The following ARHGEF10 variants were observed in gnomAD, a reference collection of about 807,000 sequenced individuals.
ARHGEF10 encodes Rho guanine nucleotide exchange factor (GEF) 10.
ARHGEF10 carries 140 observed loss-of-function variants against 147.4 expected under a neutral mutation model. The ratio of observed to expected loss-of-function variants is 0.95; its 90% CI spans 0.83 to 1.09. The LOEUF (loss-of-function observed/expected upper bound fraction) is 1.09, where lower values mean the gene tolerates loss of function less well. Ranked by LOEUF, ARHGEF10 falls within the 50% of genes least tolerant of loss-of-function variation. ARHGEF10 has a pLI of 0.00. For missense variants in ARHGEF10, 2,222 were observed against 1,752.7 expected (o/e 1.27, Z -4.78); for synonymous variants, 902 against 695.8 (o/e 1.30, Z -4.67).
intron 25 of ARHGEF10, among the ~76,000 whole-genome samples, chr8:1,930,562 C>T (rs2129228454): frequency 6.7e-6 from 1 of 148,162 alleles, no homozygotes; most frequent in African/African-American, 2.5e-5. Flanking sequence ...GTCCTCCAGT[C>T]CTTGTTCCTT....
intron 13 of ARHGEF10, among the ~76,000 whole-genome samples, chr8:1,895,171 G>C (rs1230435612): frequency 2.6e-5 from 4 of 152,234 alleles, no homozygotes; most frequent in South Asian, 4.1e-4. Context: ...GAAAGGGTTA[G>C]CTGCCTGGAA....
At chr8:1,956,090 C>G (rs1177844382) in intron 28 of ARHGEF10, among the ~76,000 whole-genome samples, 1 of 152,198 alleles carries the variant, frequency 6.6e-6, no homozygotes, top group Non-Finnish European at 1.5e-5. Context: ...GTCATGTCAC[C>G]CACAAAGCAT....
chr8:1,905,777 G>A (rs1387292024), intron 17 of ARHGEF10, 61 bp downstream of exon 17: 5 of 1,591,036 alleles, frequency 3.1e-6, no homozygotes, highest in East Asian at 2.2e-5. Context: ...TTGCCTAAGG[G>A]CACATGCATG....
chr8:1,889,125 A>G (rs1376339086), intron 11 of ARHGEF10, among the ~76,000 whole-genome samples: 3 of 66,028 alleles, frequency 4.5e-5, no homozygotes, highest in African/African-American at 1.6e-4. Context: ...GTCTGTGAGG[A>G]GACACTGTGA....
At chr8:1,903,863 G>A (rs1450868018) in intron 16 of ARHGEF10, 2 of 258,646 alleles carry the variant, frequency 7.7e-6, no homozygotes, top group Non-Finnish European at 1.5e-5. Context: ...GGAGGCTGAG[G>A]TGGGAAGATC....
chr8:1,862,817 C>T (rs1291983954), intron 4 of ARHGEF10, among the ~76,000 whole-genome samples: 12 of 140,242 alleles, frequency 8.6e-5, no homozygotes, highest in Admixed American at 7.1e-4. Context: ...CTCGCTCTGT[C>T]GCTCAGGCTG....
At chr8:1,860,734 C>T (rs562577007) in intron 4 of ARHGEF10, among the ~76,000 whole-genome samples, 2 of 152,256 alleles carry the variant, frequency 1.3e-5, no homozygotes, top group East Asian at 1.9e-4. Context: ...CAGCTGCTCA[C>T]GGGAGTGTGT....
At chr8:1,888,064 A>T (rs545725068) in intron 11 of ARHGEF10, among the ~76,000 whole-genome samples, 1 of 113,350 alleles carries the variant, frequency 8.8e-6, no homozygotes, top group African/African-American at 3.7e-5. Flanking sequence ...AGTGAGTGGG[A>T]TGAGGGTTTA....
chr8:1,893,475 A>T, intron 11 of ARHGEF10, 94 bp from the exon 12 acceptor site: 1 of 841,546 alleles, frequency 1.2e-6, no homozygotes, highest in Non-Finnish European at 2.1e-6. Flanking sequence ...AAAATAGAAA[A>T]GTTACTTATC....
rs148573780 is a variant in ARHGEF10 at position 1,860,049 on chromosome 8, A to G, written c.346A>G (p.Asn116Asp). The change falls in exon 4 of 29, where the codon AAT (asparagine) becomes GAT (aspartate). Residue 116 changes from asparagine (N) to aspartate (D), a missense_variant. Transcript: ENST00000349830. ...CCCCGTGCCCAGCGCTGAGGAGGAG[A>G]ATGTGGGTCTCCATGTGCCCTGCGG... ...PTPVPSAEEE[N>D]VGLHVPCGYL... The G allele has an allele frequency of 1.9e-5, 30 of 1,613,762 alleles. No homozygotes were observed. Among genetic ancestry groups the G allele is most frequent in the Non-Finnish European group, 2.4e-5 (28 of 1,179,974 alleles).
chr8:1,934,451 A>T (rs1813410612), intron 26 of ARHGEF10, among the ~76,000 whole-genome samples: 1 of 152,148 alleles, frequency 6.6e-6, no homozygotes, highest in African/African-American at 2.4e-5. Context: ...CCATTTTTTA[A>T]CCATTTACCT....
chr8:1,843,204 A>G (rs1297684097), intron 1 of ARHGEF10, 149 bp from the exon 2 acceptor site: 2 of 643,230 alleles, frequency 3.1e-6, no homozygotes, highest in African/African-American at 1.8e-5. Flanking sequence ...ACAAGTATTC[A>G]TGACTAATAG....
chr8:1,835,348 G>A lies in ARHGEF10; in HGVS notation c.-47-8005G>A, dbSNP rs1330522160. ...CGCGGCAGCCCTGTGAGTCGGTGCC[G>A]TCCCTGTGCAGCTGAGGCCGTGGGG... On this transcript the variant is annotated intron_variant, in intron 1 of 28. Transcript: ENST00000349830. 5.3e-5 allele frequency among the ~76,000 whole-genome samples: 8 copies of A among 152,316 alleles called. No homozygotes were observed. The South Asian group carries it at 1.2e-3, about 24-fold the overall frequency.
chr8:1,842,938 G>T (rs1804206837), intron 1 of ARHGEF10, among the ~76,000 whole-genome samples: 1 of 152,180 alleles, frequency 6.6e-6, no homozygotes, highest in Non-Finnish European at 1.5e-5. Context: ...GAAGAAAAAG[G>T]AGTGGAGAGG....
intron 16 of ARHGEF10, chr8:1,904,427 A>G (rs1012108203): frequency 3.3e-5 from 5 of 152,256 alleles, no homozygotes; most frequent in Admixed American, 6.5e-5. Context: ...TTACAATGAC[A>G]TTCAGTAATG....
At position 1,937,477 on chromosome 8, in the gene ARHGEF10, A is replaced by G. The variant is rs1035498313; in HGVS notation, c.3222+3535A>G. ...ATTCCCCTTTCTCAGGCTGCTTGTAATTTATATGCTGTAAATCTCGAAGAC... is the reference window on the plus strand; with the variant it reads ...ATTCCCCTTTCTCAGGCTGCTTGTAGTTTATATGCTGTAAATCTCGAAGAC... On this transcript the variant is annotated intron_variant, in intron 26 of 28. Coordinates refer to ENST00000349830, the MANE Select transcript of ARHGEF10 (RefSeq NM_014629.4). This position sits in a 1 kb window ranked among gnomAD's most constrained non-coding sequence, Gnocchi z 4.9. Among the ~76,000 whole-genome samples the G allele has an allele frequency of 6.6e-6, 1 of 152,184 alleles. No individual in the cohort carries two copies. The highest frequency in any genetic ancestry group is 1.5e-5 in the Non-Finnish European group (1 of 68,036).
intron 27 of ARHGEF10, among the ~76,000 whole-genome samples, chr8:1,949,903 G>T (rs1328126545): frequency 6.6e-6 from 1 of 152,106 alleles, no homozygotes; most frequent in East Asian, 1.9e-4. Context: ...ATACTTGGGG[G>T]ACGTATTGCT....
At chr8:1,919,550 A>T (rs994979633) in intron 18 of ARHGEF10, among the ~76,000 whole-genome samples, 26 of 139,694 alleles carry the variant, frequency 1.9e-4, no homozygotes, top group African/African-American at 7.2e-4. Context: ...CGAGTGATGG[A>T]GCTGTTCTAT....
intron 26 of ARHGEF10, among the ~76,000 whole-genome samples, chr8:1,934,844 A>G (rs372440497): frequency 9.8e-5 from 15 of 152,384 alleles, no homozygotes; most frequent in African/African-American, 2.4e-4. Flanking sequence ...GTACAATTTA[A>G]TAACTTTTTT....
Sources: gnomAD v4.1 joint callset for allele counts (sites outside exome capture counted in the v4.1 genomes callset) on GRCh38, gnomAD v4.1.1 for gene constraint, Gnocchi (gnomAD v3.1) non-coding constraint, MANE v1.5 for transcripts, NCBI Gene and HGNC (gene_info 2026-07-23, HGNC 2026-07-21) for gene names.